Variants in VWC2 observed in about 807,000 individuals in gnomAD.
VWC2 encodes the protein von Willebrand factor C domain containing 2.
In VWC2, 14 loss-of-function variants were observed where a neutral mutation model predicts 29.8. That is an observed-to-expected ratio of 0.47 (90% CI 0.31 to 0.74). The LOEUF is 0.74. VWC2 is among the 30% of genes least tolerant of loss of function. VWC2 has a pLI of 0.05. For missense variants in VWC2, 457 were observed against 459.8 expected (o/e 0.99, Z 0.05); for synonymous variants, 213 against 199.0 (o/e 1.07, Z -0.59).
At position 49,815,255 on chromosome 7, in the gene VWC2, A is replaced by G. The variant is rs114363245; in HGVS notation, c.826+12415A>G. ...TTGTGTTTGCTGTTTTACTTCAATT[A>G]TGATAAAAGTAGTGAGGGAGAGAGG... On this transcript the variant is annotated intron_variant, in intron 3 of 3. Transcript: ENST00000340652. Among the ~76,000 whole-genome samples the G allele has an allele frequency of 1.6e-3, 251 of 152,310 alleles. 2 individuals carry two copies. Among genetic ancestry groups the G allele is most frequent in the African/African-American group, 5.9e-3 (247 of 41,568 alleles).
intron 3 of VWC2, among the ~76,000 whole-genome samples, chr7:49,849,580 T>C (rs1286464893): frequency 2.6e-5 from 4 of 152,238 alleles, no homozygotes; most frequent in Non-Finnish European, 5.9e-5. Context: ...ACGCTGCCTC[T>C]TTTTGTTTCA....
chr7:49,775,422 G>C lies in VWC2; in HGVS notation c.-14G>C. 1 of 1,346,422 alleles carries C rather than the reference G, an allele frequency of 7.4e-7. No homozygotes were observed. Among genetic ancestry groups the C allele is most frequent in the Non-Finnish European group, 9.5e-7 (1 of 1,050,452 alleles). The allele number at this position is 1,346,422 out of a possible 1,614,324, so 83.4% of individuals were successfully genotyped here. A position where few individuals can be genotyped will look rare whatever the true frequency, so the allele number is the denominator to read the frequency against. On this transcript the variant is annotated 5_prime_UTR_variant, in exon 2 of 4. Transcript: ENST00000340652. ...GCGCTCCCCGCCCGCCCGCCCGCCG[G>C]GACGTGGTAGGGGATGCCCAGCTCC...
rs148983869 is a variant in VWC2, at chr7:49,858,069, C to T, written c.827-53965C>T. ...TAGTTCTAGATCCCTGAGGAATCAC[C>T]ACACTGACTTCCACAATGGTTGAAC... is the stretch of plus-strand genomic sequence containing the variant. On this transcript the variant is annotated intron_variant, in intron 3 of 3. Coordinates refer to ENST00000340652, the MANE Select transcript of VWC2 (RefSeq NM_198570.5). Among the ~76,000 whole-genome samples the T allele has an allele frequency of 3.6e-3, 543 of 152,236 alleles. 2 individuals carry two copies. Among genetic ancestry groups the T allele is most frequent in the Middle Eastern group, 0.01 (3 of 294 alleles).
chr7:49,865,017 T>C (rs57408745), intron 3 of VWC2, among the ~76,000 whole-genome samples: 1 of 151,446 alleles, frequency 6.6e-6, no homozygotes, highest in Non-Finnish European at 1.5e-5. Flanking sequence ...CTCAATTTTT[T>C]CTGATATCCC....
At chr7:49,829,896 C>T (rs572510430) in intron 3 of VWC2, among the ~76,000 whole-genome samples, 1 of 152,222 alleles carries the variant, frequency 6.6e-6, no homozygotes, top group East Asian at 1.9e-4. Flanking sequence ...TTATCTGCTA[C>T]CTGGAAGCAG....
At chr7:49,891,084 AAC>A (rs1393553157) in intron 3 of VWC2, among the ~76,000 whole-genome samples, 23 of 152,244 alleles carry the variant, frequency 1.5e-4, no homozygotes, top group African/African-American at 5.5e-4. Context: ...AAGATTTTCA[AAC>A]ACAGTTTCTT....
intron 3 of VWC2, among the ~76,000 whole-genome samples, chr7:49,898,043 G>C (rs1358432842): frequency 6.7e-6 from 1 of 150,262 alleles, no homozygotes; most frequent in East Asian, 1.9e-4. Context: ...AACTGATCTG[G>C]GTGAAGAGAA....
At chr7:49,909,747 C>T (rs78121070) in intron 3 of VWC2, among the ~76,000 whole-genome samples, 6,778 of 152,126 alleles carry the variant, frequency 0.045, 151 homozygotes, top group Middle Eastern at 0.061. Flanking sequence ...GTTGGGTTCT[C>T]TGAAAGAGAA....
intron 3 of VWC2, among the ~76,000 whole-genome samples, chr7:49,817,323 T>A (rs982946802): frequency 1.3e-5 from 2 of 152,228 alleles, no homozygotes; most frequent in African/African-American, 2.4e-5. Flanking sequence ...CAGGCAGATA[T>A]CTTTACCACA....
At chr7:49,796,895 T>C (rs1362889767) in intron 2 of VWC2, among the ~76,000 whole-genome samples, 1 of 152,218 alleles carries the variant, frequency 6.6e-6, no homozygotes, top group Non-Finnish European at 1.5e-5. Flanking sequence ...CCACTTACCA[T>C]CATATAGAGC....
At chr7:49,885,498 AGGT>A in intron 3 of VWC2, among the ~76,000 whole-genome samples, 1 of 152,258 alleles carries the variant, frequency 6.6e-6, no homozygotes. Context: ...CATTCTGAAA[AGGT>A]AAAACTCGTT....
rs112554437 is a variant in VWC2 at position 49,899,646 on chromosome 7, C to T, written c.827-12388C>T. On this transcript the variant is annotated intron_variant, in intron 3 of 3. Transcript: ENST00000340652. Reference sequence around the variant, plus strand: ...CACACAGGTCTTCAATATGCATTTGCCTGAAAACAGTATCAAAACACATGA... The same window carrying T: ...CACACAGGTCTTCAATATGCATTTGTCTGAAAACAGTATCAAAACACATGA... Among the ~76,000 whole-genome samples, 837 of 152,014 alleles carry T rather than the reference C, an allele frequency of 5.5e-3. 2 individuals are homozygous for T. Among genetic ancestry groups the T allele is most frequent in the Non-Finnish European group, 9.5e-3 (644 of 67,840 alleles).
intron 3 of VWC2, among the ~76,000 whole-genome samples, chr7:49,894,688 G>A (rs10237792): frequency 0.027 from 4,148 of 152,298 alleles, 207 homozygotes; most frequent in African/African-American, 0.094. Flanking sequence ...AGGGAAAAGC[G>A]TGGGTGGGGG....
At chr7:49,777,222 AC>A (rs1788072917) in intron 2 of VWC2, among the ~76,000 whole-genome samples, 1 of 152,222 alleles carries the variant, frequency 6.6e-6, no homozygotes, top group African/African-American at 2.4e-5. Context: ...GCGTTATGGA[AC>A]GTGCAGCTAC....
At chr7:49,895,860 A>T (rs1271981046) in intron 3 of VWC2, among the ~76,000 whole-genome samples, 1 of 152,188 alleles carries the variant, frequency 6.6e-6, no homozygotes, top group African/African-American at 2.4e-5. Flanking sequence ...AGTTAAATGT[A>T]TGGGAGGTTA....
At chr7:49,893,910 A>G (rs571401887) in intron 3 of VWC2, among the ~76,000 whole-genome samples, 1 of 152,324 alleles carries the variant, frequency 6.6e-6, no homozygotes, top group Admixed American at 6.5e-5. Flanking sequence ...AAAATTACCA[A>G]TAGTCTAGTG....
chr7:49,896,492 C>CAAA (rs1469827724), intron 3 of VWC2, among the ~76,000 whole-genome samples: 2 of 151,614 alleles, frequency 1.3e-5, no homozygotes, highest in African/African-American at 4.8e-5. Flanking sequence ...CTTGAAAAAG[C>CAAA]AAAGCAAAAT....
intron 3 of VWC2, among the ~76,000 whole-genome samples, chr7:49,886,752 G>A (rs144255657): frequency 3.3e-4 from 50 of 152,218 alleles, no homozygotes; most frequent in Non-Finnish European, 6.8e-4. Context: ...TTAATCTTTC[G>A]ATTCAGCCTT....
rs755757639 is a variant in VWC2 at position 49,775,785 on chromosome 7, C to T, written c.350C>T (p.Thr117Ile). The change falls in exon 2 of 4, where the codon ACC becomes ATC. Residue 117 changes from threonine (T) to isoleucine (I), a missense_variant. Physicochemically the swap from Thr to Ile is moderately conservative, Grantham distance 89. Coordinates refer to ENST00000340652, the MANE Select transcript of VWC2 (RefSeq NM_198570.5). The stretch of plus-strand genomic sequence containing the variant: ...CTGCAGGTCCGGCCCCGCGGGGACA[C>T]CCCGCAGGCGGAAGCCCTGGCCGCA... ...GDLQVRPRGD[T>I]PQAEALAAAA... is the part of the protein sequence containing the mutation. 129 of 1,525,574 alleles carry T rather than the reference C, an allele frequency of 8.5e-5. 1 individual carries two copies. In the South Asian group the frequency reaches 1.4e-3, roughly 16 times the overall value. 94.5% of individuals were successfully genotyped at this position (1,525,574 alleles called of 1,614,324 possible).
Sources: gnomAD v4.1 joint callset for allele counts (sites outside exome capture counted in the v4.1 genomes callset) on GRCh38, gnomAD v4.1.1 for gene constraint, MANE v1.5 for transcripts, NCBI Gene and HGNC (gene_info 2026-07-23, HGNC 2026-07-21) for gene names.